The following ASF1B variants were observed in gnomAD, a reference collection of about 807,000 sequenced individuals.
ASF1B encodes the protein anti-silencing function 1B histone chaperone.
ASF1B carries 10 observed loss-of-function variants against 16.6 expected under a neutral mutation model. The ratio of observed to expected loss-of-function variants is 0.60; its 90% CI spans 0.37 to 1.02. ASF1B has a LOEUF of 1.02. Among genes scored for constraint, ASF1B ranks in the 50% least tolerant of loss-of-function variants. The pLI, the probability that ASF1B is intolerant of heterozygous loss-of-function variation, is 0.01. For synonymous variants in ASF1B, 101 were observed against 106.2 expected (o/e 0.95, Z 0.30); for missense variants, 240 against 266.0 (o/e 0.90, Z 0.68).
intron 1 of ASF1B, among the ~76,000 whole-genome samples, chr19:14,127,094 A>C (rs967212598): frequency 6.6e-6 from 1 of 152,270 alleles, no homozygotes; most frequent in South Asian, 2.1e-4. Flanking sequence ...GCCTTGTGGT[A>C]ATTTTAGACA....
In ASF1B at chr19:14,121,763, T is replaced by C. The variant is rs1274076910; in HGVS notation, c.226-55A>G. On this transcript the variant is annotated intron_variant, in intron 2 of 3. Transcript: ENST00000263382. The stretch of plus-strand genomic sequence containing the variant: ...GTGCCACAGCCATGCCTCGATGTCA[T>C]TAGTACAAAGATTCCCAAGCATCAT... 3.4e-6 allele frequency: 5 copies of C among 1,482,920 alleles called. 1 individual carries two copies. In the South Asian group the frequency reaches 3.7e-5, roughly 11 times the overall value. 91.9% of individuals were successfully genotyped at this position (1,482,920 alleles called of 1,614,324 possible).
Position 14,121,611 on chromosome 19 carries a change from C to T in ASF1B, c.323G>A (p.Arg108Gln), listed in dbSNP as rs763207273. 3.1e-6 allele frequency: 5 copies of T among 1,613,860 alleles called. No individual in the cohort carries two copies. Among genetic ancestry groups the T allele is most frequent in the Middle Eastern group, 1.6e-4 (1 of 6,084 alleles). Reference protein sequence around the residue: ...TCTYHGQEFIRVGYYVNNEYL... With the variant: ...TCTYHGQEFIQVGYYVNNEYL... ...CTCGTTGTTGACGTAGTAGCCCACT[C>T]GGATGAACTCCTGTCCATGGTAGGT... Residue 108 changes from arginine to glutamine, a missense_variant, in exon 3 of 4, where the codon CGA (arginine) becomes CAA (glutamine). Transcript: ENST00000263382.
intron 2 of ASF1B, among the ~76,000 whole-genome samples, chr19:14,122,233 T>C (rs998281701): frequency 6.6e-6 from 1 of 151,458 alleles, no homozygotes; most frequent in Non-Finnish European, 1.5e-5. Flanking sequence ...GCCCAGCCTT[T>C]TTTTTGTATT....
intron 1 of ASF1B, among the ~76,000 whole-genome samples, chr19:14,135,625 G>T (rs1283625071): frequency 6.6e-6 from 1 of 151,934 alleles, no homozygotes; most frequent in Non-Finnish European, 1.5e-5. Flanking sequence ...GGTTGAGAGA[G>T]GTCCTGAAAA....
intron 2 of ASF1B, among the ~76,000 whole-genome samples, chr19:14,123,240 G>T (rs963029574): frequency 6.6e-6 from 1 of 152,108 alleles, no homozygotes; most frequent in Non-Finnish European, 1.5e-5. Flanking sequence ...AGTAGTGGTG[G>T]CTGAAGGGGT....
intron 3 of ASF1B, 75 bp downstream of exon 3, chr19:14,121,457 C>G: frequency 6.7e-7 from 1 of 1,503,132 alleles, no homozygotes; most frequent in Non-Finnish European, 9.1e-7. Context: ...CCTTGACTCT[C>G]AATTTGAATG....
chr19:14,121,310 A>C, intron 3 of ASF1B: 12 of 327,440 alleles, frequency 3.7e-5, no homozygotes, highest in South Asian at 9.5e-5. Flanking sequence ...GGGGTTAGGG[A>C]CAGGGTCTCA....
In ASF1B at chr19:14,126,137, G is replaced by C. The variant is rs1967313929; in HGVS notation, c.210C>G (p.His70Gln). ...VLVGPVPAGR[H>Q]MFVFQADAPN... ...TCTTTCTTACCTGAAAGACAAACAT[G>C]TGTCTCCCTGCTGGCACAGGGCCCA... Residue 70 changes from histidine to glutamine, a missense_variant, in exon 2 of 4, where the codon CAC becomes CAG. Coordinates refer to ENST00000263382, the MANE Select transcript of ASF1B (RefSeq NM_018154.3). 2 of 1,601,066 alleles carry C rather than the reference G, an allele frequency of 1.2e-6. No individual in the cohort carries two copies. The highest frequency in any genetic ancestry group is 1.7e-6 in the Non-Finnish European group (2 of 1,175,892).
At chr19:14,121,741 C>G in intron 2 of ASF1B, 33 bp from the exon 3 acceptor site, 1 of 1,575,852 alleles carries the variant, frequency 6.3e-7, no homozygotes, top group Non-Finnish European at 8.7e-7. Flanking sequence ...CTTAGCAGTG[C>G]CACAGCCATG....
chr19:14,135,351 C>A (rs748670836), intron 1 of ASF1B, among the ~76,000 whole-genome samples: 2 of 152,126 alleles, frequency 1.3e-5, no homozygotes, highest in Non-Finnish European at 2.9e-5. Context: ...GGCTATGCCA[C>A]CCCTCGGATC....
At chr19:14,128,747 A>G (rs1188036828) in intron 1 of ASF1B, among the ~76,000 whole-genome samples, 1 of 152,182 alleles carries the variant, frequency 6.6e-6, no homozygotes, top group Non-Finnish European at 1.5e-5. Context: ...CTGAGCCATC[A>G]TGTCCAGCCT....
intron 1 of ASF1B, among the ~76,000 whole-genome samples, chr19:14,133,867 G>A (rs1307057990): frequency 1.4e-5 from 2 of 139,806 alleles, no homozygotes; most frequent in East Asian, 4.6e-4. Flanking sequence ...GCAGTGGCGC[G>A]ATCTCGGCTC....
Position 14,121,626 on chromosome 19 carries a change from C to T in ASF1B, c.308G>A (p.Gly103Glu). The T allele has an allele frequency of 6.2e-7, 1 of 1,613,974 alleles. No homozygotes were observed. Among genetic ancestry groups the T allele is most frequent in the Admixed American group, 1.7e-5 (1 of 59,998 alleles). The change falls in exon 3 of 4, where the codon GGA becomes GAA. Residue 103 changes from glycine (G) to glutamate (E), a missense_variant. Transcript: ENST00000263382. ...TVVLITCTYH[G>E]QEFIRVGYYV... is the part of the protein sequence containing the mutation. ...GTAGCCCACTCGGATGAACTCCTGT[C>T]CATGGTAGGTGCAGGTGATGAGGAC...
At chr19:14,121,299 G>A (rs1050178670) in intron 3 of ASF1B, 12 of 395,082 alleles carry the variant, frequency 3.0e-5, no homozygotes, top group African/African-American at 1.6e-4. Context: ...TTTTTTTTGC[G>A]GGGGTTAGGG....
At chr19:14,131,158 G>GT (rs1164450779) in intron 1 of ASF1B, among the ~76,000 whole-genome samples, 2 of 151,164 alleles carry the variant, frequency 1.3e-5, no homozygotes, top group Admixed American at 1.3e-4. Context: ...GATTACAGGG[G>GT]TAAGCCACTG....
At chr19:14,133,586 T>A (rs903241469) in intron 1 of ASF1B, among the ~76,000 whole-genome samples, 1 of 151,448 alleles carries the variant, frequency 6.6e-6, no homozygotes, top group Non-Finnish European at 1.5e-5. Context: ...GAGAATCGCT[T>A]GAATCTGGGA....
chr19:14,129,475 G>A (rs1406426020), intron 1 of ASF1B, among the ~76,000 whole-genome samples: 1 of 151,708 alleles, frequency 6.6e-6, no homozygotes, highest in South Asian at 2.1e-4. Context: ...TCACGAGTTC[G>A]AGACCAACCT....
At chr19:14,131,058 A>AG (rs1967396644) in intron 1 of ASF1B, among the ~76,000 whole-genome samples, 1 of 150,326 alleles carries the variant, frequency 6.7e-6, no homozygotes, top group Admixed American at 6.6e-5. Flanking sequence ...TTGTATTTTT[A>AG]GTAGAGACAG....
intron 1 of ASF1B, among the ~76,000 whole-genome samples, chr19:14,130,877 C>A (rs1967393877): frequency 6.6e-6 from 1 of 151,512 alleles, no homozygotes; most frequent in African/African-American, 2.4e-5. Flanking sequence ...CTGCTTCCTG[C>A]TTTTTTGTTG....
Sources: gnomAD v4.1 joint callset for allele counts (sites outside exome capture counted in the v4.1 genomes callset) on GRCh38, gnomAD v4.1.1 for gene constraint, MANE v1.5 for transcripts, NCBI Gene and HGNC (gene_info 2026-07-23, HGNC 2026-07-21) for gene names.